The following ANKRD28 variants were observed in gnomAD, a reference collection of about 807,000 sequenced individuals.
ANKRD28 encodes the protein serine/threonine-protein phosphatase 6 regulatory ankyrin repeat subunit A.
Under a neutral mutation model 126.5 loss-of-function variants are expected in ANKRD28, and 44 were observed. That is an observed-to-expected ratio of 0.35 (90% CI 0.27 to 0.45). The LOEUF is 0.45. Among genes scored for constraint, ANKRD28 ranks in the 20% least tolerant of loss-of-function variants. The pLI, the probability that ANKRD28 is intolerant of heterozygous loss-of-function variation, is 1.00. For synonymous variants in ANKRD28, 442 were observed against 468.5 expected (o/e 0.94, Z 0.73); for missense variants, 1,110 against 1,316.6 (o/e 0.84, Z 2.43).
chr3:15,849,312 G>T (rs555575592), intron 1 of ANKRD28, among the ~76,000 whole-genome samples: 1 of 152,206 alleles, frequency 6.6e-6, no homozygotes, highest in Admixed American at 6.5e-5. Context: ...TAAAATATGG[G>T]AATGCAAGTG....
chr3:15,748,548 G>A (rs911586617), intron 4 of ANKRD28, among the ~76,000 whole-genome samples: 7 of 152,288 alleles, frequency 4.6e-5, no homozygotes, highest in East Asian at 1.9e-4. Flanking sequence ...GTAGGGCTTC[G>A]CTGAGAAATC....
chr3:15,851,473 G>A (rs2061648614), intron 1 of ANKRD28, among the ~76,000 whole-genome samples: 1 of 152,072 alleles, frequency 6.6e-6, no homozygotes, highest in Non-Finnish European at 1.5e-5. Flanking sequence ...GAGCCCAGGA[G>A]GTTGAAGCTG....
At chr3:15,840,416 T>C (rs1031666440) in intron 1 of ANKRD28, among the ~76,000 whole-genome samples, 11 of 152,214 alleles carry the variant, frequency 7.2e-5, no homozygotes, top group South Asian at 2.1e-4. Context: ...AGATACTCCA[T>C]GTTCATGGAT....
In ANKRD28 at chr3:15,797,392, C is replaced by T. The variant is rs1216760647; in HGVS notation, c.-871G>A. 1.0e-6 allele frequency: 1 copy of T among 985,268 alleles called. No individual in the cohort carries two copies. The highest frequency in any genetic ancestry group is 1.2e-6 in the Non-Finnish European group (1 of 829,914). 61.0% of individuals were successfully genotyped at this position (985,268 alleles called of 1,614,324 possible). On this transcript the variant is annotated 5_prime_UTR_variant, in exon 1 of 28. Transcript: ENST00000683139. ...CATCGATAGCATAAGCAAGGCAGAG[C>T]GTTCATTCTTTCTCCATCAGGCAGT...
chr3:15,731,848 CAAAAAAAAAAAAAAA>C (rs397934004), intron 6 of ANKRD28: 11 of 4,522 alleles, frequency 2.4e-3, no homozygotes, highest in African/African-American at 6.9e-3. Context: ...GAAACTGTCT[CAAAAAAAAAAAAAAA>C]AAAAAAAAAA....
At chr3:15,825,224 C>T (rs2061034152) in intron 1 of ANKRD28, among the ~76,000 whole-genome samples, 1 of 152,194 alleles carries the variant, frequency 6.6e-6, no homozygotes, top group Non-Finnish European at 1.5e-5. Context: ...AAAAGCAATT[C>T]TTGTCTGATG....
chr3:15,691,666 T>C (rs981182034), intron 17 of ANKRD28, among the ~76,000 whole-genome samples: 2 of 152,192 alleles, frequency 1.3e-5, no homozygotes, highest in African/African-American at 4.8e-5. Flanking sequence ...TGTAGAAACT[T>C]GACTACTTAA....
chr3:15,712,070 G>A, intron 11 of ANKRD28, 70 bp downstream of exon 11: 1 of 1,186,066 alleles, frequency 8.4e-7, no homozygotes, highest in Non-Finnish European at 1.2e-6. Context: ...TTAAAAAGCA[G>A]GATAGAGACC....
chr3:15,697,675 G>A (rs533249946), intron 14 of ANKRD28, among the ~76,000 whole-genome samples: 3 of 152,172 alleles, frequency 2.0e-5, no homozygotes, highest in East Asian at 1.9e-4. Context: ...GAGGATTTTC[G>A]CATTGATGTT....
At chr3:15,823,058 T>C (rs2060978150) in intron 1 of ANKRD28, among the ~76,000 whole-genome samples, 2 of 152,208 alleles carry the variant, frequency 1.3e-5, no homozygotes, top group African/African-American at 4.8e-5. Flanking sequence ...TGAACAGTCC[T>C]ATAACACAGT....
intron 1 of ANKRD28, among the ~76,000 whole-genome samples, chr3:15,840,691 C>T (rs1047696268): frequency 8.5e-5 from 13 of 152,174 alleles, no homozygotes; most frequent in African/African-American, 3.1e-4. Context: ...CATAAAAAGA[C>T]ACATAGATCA....
At position 15,852,652 on chromosome 3, in the gene ANKRD28, T is replaced by A. The variant is rs185600900; in HGVS notation, c.27+6725A>T. 5.8e-3 allele frequency among the ~76,000 whole-genome samples: 875 copies of A among 151,570 alleles called. 7 individuals carry two copies. The highest frequency in any genetic ancestry group is 8.2e-3 in the Non-Finnish European group (556 of 67,834). On this transcript the variant is annotated intron_variant, in intron 1 of 27. Transcript: ENST00000399451. ...ATCGAGACCATCCTGGCTAACACGGTGAAACCCCGTCTCTACTAAAAATAC... is the reference window on the plus strand; with the variant it reads ...ATCGAGACCATCCTGGCTAACACGGAGAAACCCCGTCTCTACTAAAAATAC...
intron 5 of ANKRD28, among the ~76,000 whole-genome samples, chr3:15,736,046 A>C (rs2074994498): frequency 6.6e-6 from 1 of 152,224 alleles, no homozygotes. Flanking sequence ...CCTTAACTGC[A>C]GTAGAGGCAA....
intron 14 of ANKRD28, chr3:15,697,413 A>T (rs540846952): frequency 6.6e-6 from 1 of 152,322 alleles, no homozygotes; most frequent in African/African-American, 2.4e-5. Flanking sequence ...AATCTCAGAA[A>T]TCATCAATAA....
chr3:15,714,856 T>C (rs781227895), intron 8 of ANKRD28, among the ~76,000 whole-genome samples, 200 bp from the exon 9 acceptor site: 2 of 152,144 alleles, frequency 1.3e-5, no homozygotes, highest in Non-Finnish European at 1.5e-5. Context: ...AACACAAATA[T>C]ACAAAAATTC....
chr3:15,731,077 C>A (rs1192761928), intron 6 of ANKRD28, among the ~76,000 whole-genome samples: 1 of 152,110 alleles, frequency 6.6e-6, no homozygotes, highest in Admixed American at 6.5e-5. Context: ...TATAAATTAC[C>A]CAGTCTATGA....
At chr3:15,719,961 C>A (rs2073521824) in intron 8 of ANKRD28, among the ~76,000 whole-genome samples, 1 of 152,108 alleles carries the variant, frequency 6.6e-6, no homozygotes, top group Non-Finnish European at 1.5e-5. Context: ...GCCTTGACCT[C>A]CAAGGCTCAA....
chr3:15,831,046 C>T (rs752363191), intron 1 of ANKRD28, among the ~76,000 whole-genome samples: 6 of 152,186 alleles, frequency 3.9e-5, no homozygotes, highest in Non-Finnish European at 5.9e-5. Context: ...TGGAAGTTCA[C>T]GCCTGAAACT....
intron 1 of ANKRD28, chr3:15,859,302 G>A: frequency 6.6e-7 from 1 of 1,504,520 alleles, no homozygotes; most frequent in Non-Finnish European, 8.8e-7. Context: ...GCGTCCCAGC[G>A]GCCCACACCG....
Sources: gnomAD v4.1 joint callset for allele counts (sites outside exome capture counted in the v4.1 genomes callset) on GRCh38, gnomAD v4.1.1 for gene constraint, MANE v1.5 for transcripts, NCBI Gene and HGNC (gene_info 2026-07-23, HGNC 2026-07-21) for gene names.